Variants in ARMC9 observed in about 807,000 individuals in gnomAD.
ARMC9 encodes armadillo repeat containing 9, also known as lisH domain-containing protein ARMC9.
In ARMC9, 94 loss-of-function variants were observed where a neutral mutation model predicts 107.0. The ratio of observed to expected loss-of-function variants is 0.88; its 90% CI spans 0.74 to 1.04. ARMC9 has a LOEUF of 1.04. Among genes scored for constraint, ARMC9 ranks in the 50% least tolerant of loss-of-function variants. The pLI is 0.00. For missense variants in ARMC9, 942 were observed against 1,030.1 expected (o/e 0.91, Z 1.17); for synonymous variants, 380 against 396.9 (o/e 0.96, Z 0.51).
intron 12 of ARMC9, among the ~76,000 whole-genome samples, chr2:231,269,566 G>A (rs1161394012): frequency 6.6e-6 from 1 of 151,274 alleles, no homozygotes; most frequent in Non-Finnish European, 1.5e-5. Flanking sequence ...TTGTATTTTT[G>A]TAGAGACGGG....
chr2:231,209,558 C>T (rs1388363927), intron 3 of ARMC9, among the ~76,000 whole-genome samples: 2 of 151,992 alleles, frequency 1.3e-5, no homozygotes, highest in African/African-American at 2.4e-5. Flanking sequence ...GTATTTGAGA[C>T]GGAGTTGCGC....
intron 11 of ARMC9, among the ~76,000 whole-genome samples, chr2:231,261,909 G>A (rs935160513): frequency 3.3e-5 from 5 of 151,494 alleles, no homozygotes; most frequent in Middle Eastern, 3.2e-3. Flanking sequence ...TGCAACCTCC[G>A]ACTCCTGGGT....
chr2:231,350,148 C>T (rs1468286974), intron 21 of ARMC9, among the ~76,000 whole-genome samples: 1 of 152,036 alleles, frequency 6.6e-6, no homozygotes, highest in African/African-American at 2.4e-5. Context: ...GCCTCAGCCT[C>T]CCAAGTAGCT....
In ARMC9 at chr2:231,370,141, C is replaced by T. The variant is rs767952900; in HGVS notation, c.2434+16C>T. The stretch of plus-strand genomic sequence containing the variant: ...GGCCTGCCGAGTAAGTCAGCCTGGG[C>T]CCCACTGGCGTGGGAGCCTGGCCAC... On this transcript the variant is annotated intron_variant, in intron 24 of 24. Coordinates refer to ENST00000611582, the MANE Select transcript of ARMC9 (RefSeq NM_001352754.2). 124 of 1,505,836 alleles carry T rather than the reference C, an allele frequency of 8.2e-5. No individual in the cohort carries two copies. The South Asian group carries it at 1.2e-3, about 15-fold the overall frequency. 93.3% of individuals were successfully genotyped at this position (1,505,836 alleles called of 1,614,324 possible).
chr2:231,259,797 A>G (rs2038169027), intron 11 of ARMC9, among the ~76,000 whole-genome samples: 1 of 152,312 alleles, frequency 6.6e-6, no homozygotes, highest in Admixed American at 6.5e-5. Flanking sequence ...GTTCAAGACC[A>G]TCCTGGCCAA....
intron 9 of ARMC9, chr2:231,256,167 A>G: frequency 6.5e-7 from 1 of 1,534,618 alleles, no homozygotes; most frequent in South Asian, 1.2e-5. Flanking sequence ...ACCGGCTCTC[A>G]GGGACAGTGC....
intron 19 of ARMC9, 110 bp downstream of exon 19, chr2:231,296,363 A>G (rs551345229): frequency 9.4e-6 from 9 of 958,798 alleles, no homozygotes; most frequent in Middle Eastern, 2.2e-4. Flanking sequence ...CTGCTACACT[A>G]TTTCTCACAA....
intron 19 of ARMC9, among the ~76,000 whole-genome samples, chr2:231,299,711 G>A (rs184767438): frequency 8.5e-5 from 13 of 152,310 alleles, no homozygotes; most frequent in Admixed American, 6.5e-4. Context: ...TGATGGAGTA[G>A]CTCCAGCCGA....
At chr2:231,336,316 A>C (rs2044086230) in intron 20 of ARMC9, among the ~76,000 whole-genome samples, 1 of 151,788 alleles carries the variant, frequency 6.6e-6, no homozygotes, top group South Asian at 2.1e-4. Context: ...ACTGCTTCAC[A>C]CAACTCCATT....
Position 231,297,912 on chromosome 2 carries a change from C to T in ARMC9, c.1773+1659C>T, listed in dbSNP as rs2041482464. Among the ~76,000 whole-genome samples the T allele has an allele frequency of 1.3e-5, 2 of 151,834 alleles. No homozygotes were observed. Among genetic ancestry groups the T allele is most frequent in the African/African-American group, 4.8e-5 (2 of 41,334 alleles). ...TCTTGTATCATCCCTTTGGGTTTTT[C>T]GGTTTGCTTTGGTTTTTCATTTTGC... On this transcript the variant is annotated intron_variant, in intron 19 of 24. Coordinates refer to ENST00000611582, the MANE Select transcript of ARMC9 (RefSeq NM_001352754.2). This position sits in a 1 kb window ranked among gnomAD's most constrained non-coding sequence, Gnocchi z 4.2.
chr2:231,219,222 G>A (rs1247570693), intron 5 of ARMC9, among the ~76,000 whole-genome samples: 1 of 151,630 alleles, frequency 6.6e-6, no homozygotes, highest in African/African-American at 2.4e-5. Flanking sequence ...TGCAATCAGT[G>A]TGTGTAGATT....
At chr2:231,346,636 A>G (rs1295776379) in intron 21 of ARMC9, among the ~76,000 whole-genome samples, 2 of 152,126 alleles carry the variant, frequency 1.3e-5, no homozygotes, top group Admixed American at 1.3e-4. Flanking sequence ...ATGCGTATAC[A>G]TTTTTTTGCT....
chr2:231,362,125 A>C lies in ARMC9; in HGVS notation c.2261+1242A>C, dbSNP rs1196862801. On this transcript the variant is annotated intron_variant, in intron 23 of 24. Coordinates refer to ENST00000611582, the MANE Select transcript of ARMC9 (RefSeq NM_001352754.2). The surrounding 1 kb of genome is among the most constrained non-coding windows in gnomAD (Gnocchi z 4.7). ...CAAGCCTCTGGACTCCTCCAGTTCC[A>C]CTGCCAACCTGCCTGGGGACCCAGG... Among the ~76,000 whole-genome samples the C allele has an allele frequency of 1.3e-5, 2 of 152,110 alleles. No individual in the cohort carries two copies. Among genetic ancestry groups the C allele is most frequent in the African/African-American group, 4.8e-5 (2 of 41,404 alleles).
intron 21 of ARMC9, among the ~76,000 whole-genome samples, chr2:231,347,022 A>G (rs2044843983): frequency 6.6e-6 from 1 of 152,238 alleles, no homozygotes; most frequent in South Asian, 2.1e-4. Flanking sequence ...TATTTTAATC[A>G]GAGATAAGGA....
At chr2:231,270,710 A>T in intron 12 of ARMC9, 2 of 596,214 alleles carry the variant, frequency 3.4e-6, no homozygotes, top group South Asian at 3.0e-5. Flanking sequence ...GGTAACAGCA[A>T]ACAGGACTGC....
intron 19 of ARMC9, among the ~76,000 whole-genome samples, chr2:231,330,167 A>G (rs923424066): frequency 5.9e-5 from 9 of 151,490 alleles, no homozygotes; most frequent in Non-Finnish European, 1.0e-4. Context: ...GAAATCATGT[A>G]GATCGATTCT....
chr2:231,234,594 A>G (rs1559327908), intron 7 of ARMC9, among the ~76,000 whole-genome samples: 2 of 152,148 alleles, frequency 1.3e-5, no homozygotes, highest in African/African-American at 2.4e-5. Context: ...TCAGTATAGA[A>G]TAAAACATTC....
chr2:231,261,970 C>T (rs1186443389), intron 11 of ARMC9, among the ~76,000 whole-genome samples: 2 of 38 alleles, frequency 0.053, no homozygotes, highest in African/African-American at 0.17. Flanking sequence ...CTACAGGCGC[C>T]CGCACCACAC....
chr2:231,233,337 A>G (rs1228501350), intron 7 of ARMC9, among the ~76,000 whole-genome samples: 3 of 152,316 alleles, frequency 2.0e-5, no homozygotes, highest in Admixed American at 2.0e-4. Context: ...TGTTGACTAT[A>G]TAGACATTCA....
Sources: allele counts gnomAD v4.1 joint callset (sites outside exome capture counted in the v4.1 genomes callset), GRCh38; gene constraint gnomAD v4.1.1; non-coding constraint Gnocchi (gnomAD v3.1); transcripts MANE v1.5; gene names NCBI Gene and HGNC (gene_info 2026-07-23, HGNC 2026-07-21).